The following DLGAP2 variants were observed in gnomAD, a reference collection of about 807,000 sequenced individuals.
DLGAP2 encodes disks large-associated protein 2.
A neutral mutation model predicts 100.3 loss-of-function variants in DLGAP2; 26 were observed. The observed-to-expected ratio is 0.26, with a 90% confidence interval of 0.19 to 0.36. The LOEUF (loss-of-function observed/expected upper bound fraction) is 0.36, where lower values mean the gene tolerates loss of function less well. Ranked by LOEUF, DLGAP2 falls within the 10% of genes least tolerant of loss-of-function variation. DLGAP2 has a pLI of 1.00. For missense variants in DLGAP2, 1,858 were observed against 1,453.2 expected (o/e 1.28, Z -4.53); for synonymous variants, 886 against 630.1 (o/e 1.41, Z -6.08).
At chr8:759,576 C>T (rs898123244) in intron 1 of DLGAP2, among the ~76,000 whole-genome samples, 13 of 152,076 alleles carry the variant, frequency 8.5e-5, no homozygotes, top group African/African-American at 2.9e-4. Context: ...CCAGAGTCCA[C>T]GGTTGATGTG....
chr8:1,190,586 C>T (rs529432985), intron 2 of DLGAP2, among the ~76,000 whole-genome samples: 7 of 152,278 alleles, frequency 4.6e-5, no homozygotes, highest in South Asian at 2.1e-4. Flanking sequence ...AGCCGCCTGT[C>T]GCAATCAGCA....
intron 9 of DLGAP2, 45 bp downstream of exon 9, chr8:1,668,723 C>G (rs763660049): frequency 9.0e-5 from 131 of 1,459,130 alleles, no homozygotes; most frequent in Non-Finnish European, 1.2e-4. Flanking sequence ...CCACTCAGTC[C>G]TGCCAATAGC....
intron 1 of DLGAP2, among the ~76,000 whole-genome samples, chr8:826,468 G>C (rs1796686917): frequency 6.6e-6 from 1 of 152,192 alleles, no homozygotes; most frequent in Non-Finnish European, 1.5e-5. Flanking sequence ...GAAGGTCAAA[G>C]CTGAGGTCAG....
In DLGAP2 at chr8:896,488, C is replaced by T. The variant is rs138029218; in HGVS notation, c.19-11424C>T. ...TAATTTTGGGGTACCCATCCGACAT[C>T]TAAATGGTGCCATGGACTGAACATG... On this transcript the variant is annotated intron_variant, in intron 1 of 14. Transcript: ENST00000637795. Among the ~76,000 whole-genome samples the T allele has an allele frequency of 3.8e-4, 58 of 152,232 alleles. No homozygotes were observed. In the East Asian group the frequency reaches 0.01, roughly 27 times the overall value.
At chr8:1,085,505 T>C (rs1803946631) in intron 2 of DLGAP2, among the ~76,000 whole-genome samples, 1 of 152,222 alleles carries the variant, frequency 6.6e-6, no homozygotes, top group African/African-American at 2.4e-5. Flanking sequence ...GATGTGTAAA[T>C]CTTTGATTAT....
chr8:1,038,161 A>G (rs1020742617), intron 2 of DLGAP2, among the ~76,000 whole-genome samples: 6 of 152,250 alleles, frequency 3.9e-5, no homozygotes, highest in African/African-American at 1.4e-4. Context: ...TGTGTTTCTC[A>G]GGAAGACAAA....
chr8:1,095,548 G>GT (rs1804340566), intron 2 of DLGAP2, among the ~76,000 whole-genome samples: 1 of 152,156 alleles, frequency 6.6e-6, no homozygotes, highest in Non-Finnish European at 1.5e-5. Flanking sequence ...TTAGTAATGG[G>GT]TTAGCAGTGT....
chr8:1,320,949 G>C, intron 3 of DLGAP2, among the ~76,000 whole-genome samples: 1 of 152,318 alleles, frequency 6.6e-6, no homozygotes, highest in Non-Finnish European at 1.5e-5. Flanking sequence ...ATGTATCTGT[G>C]TGTGTGCATG....
intron 2 of DLGAP2, among the ~76,000 whole-genome samples, chr8:1,084,231 T>A (rs1443869465): frequency 6.6e-6 from 1 of 152,370 alleles, no homozygotes; most frequent in East Asian, 1.9e-4. Context: ...TTGTGTTTTT[T>A]AAAATGTATT....
At chr8:1,440,249 G>C (rs1168505181) in intron 3 of DLGAP2, among the ~76,000 whole-genome samples, 1 of 152,174 alleles carries the variant, frequency 6.6e-6, no homozygotes, top group Non-Finnish European at 1.5e-5. Flanking sequence ...TATCTATTTT[G>C]AGTTCAAGTT....
intron 2 of DLGAP2, among the ~76,000 whole-genome samples, chr8:1,025,622 C>T (rs1456095753): frequency 1.3e-5 from 2 of 152,150 alleles, no homozygotes; most frequent in East Asian, 1.9e-4. Flanking sequence ...CCTGGAGAAC[C>T]TTCCACATTT....
intron 2 of DLGAP2, among the ~76,000 whole-genome samples, chr8:1,103,353 A>T: frequency 7.1e-6 from 1 of 140,534 alleles, no homozygotes; most frequent in Non-Finnish European, 1.6e-5. Flanking sequence ...GGCCTTGGTT[A>T]ACGGTGATGA....
At chr8:1,158,338 G>A (rs1419375506) in intron 2 of DLGAP2, among the ~76,000 whole-genome samples, 1 of 152,222 alleles carries the variant, frequency 6.6e-6, no homozygotes, top group Non-Finnish European at 1.5e-5. Context: ...TGTTATATGT[G>A]CATGTATGTA....
Position 912,326 on chromosome 8 carries a change from T to C in DLGAP2, c.73+4360T>C, listed in dbSNP as rs980978427. 1.1e-4 allele frequency among the ~76,000 whole-genome samples: 17 copies of C among 152,282 alleles called. 1 individual carries two copies. Among genetic ancestry groups the C allele is most frequent in the Admixed American group, 8.5e-4 (13 of 15,286 alleles). The stretch of plus-strand genomic sequence containing the variant: ...TATGTATAAAAGTTGGGTGGAAAGG[T>C]TTCACGTGACTTCCCTGTGTTTGTG... On this transcript the variant is annotated intron_variant, in intron 2 of 14. Coordinates refer to ENST00000637795, the MANE Select transcript of DLGAP2 (RefSeq NM_001346810.2).
At chr8:912,045 C>T (rs987445878) in intron 2 of DLGAP2, among the ~76,000 whole-genome samples, 12 of 152,214 alleles carry the variant, frequency 7.9e-5, no homozygotes, top group Non-Finnish European at 1.5e-4. Flanking sequence ...GTTCTGACTT[C>T]GGGCTTAGCT....
chr8:877,159 C>T (rs11986158), intron 1 of DLGAP2, among the ~76,000 whole-genome samples: 152,273 of 152,326 alleles, frequency 1, 76,110 homozygotes, highest in Middle Eastern at 1. Flanking sequence ...TTGCCTGCCT[C>T]TTATTGTTTT....
intron 2 of DLGAP2, among the ~76,000 whole-genome samples, chr8:1,143,258 A>G (rs1369749990): frequency 6.6e-6 from 1 of 152,206 alleles, no homozygotes; most frequent in Non-Finnish European, 1.5e-5. Context: ...AAGTTCCACA[A>G]ACTGACGTGA....
intron 5 of DLGAP2, among the ~76,000 whole-genome samples, chr8:1,550,034 C>G (rs757182927): frequency 6.6e-6 from 1 of 152,178 alleles, no homozygotes; most frequent in Non-Finnish European, 1.5e-5. Flanking sequence ...TTCCCCATCC[C>G]CAGTCCCTCT....
Position 1,241,964 on chromosome 8 carries a change from A to G in DLGAP2, c.74-16887A>G, listed in dbSNP as rs115254132. 7.7e-3 allele frequency among the ~76,000 whole-genome samples: 1,174 copies of G among 152,330 alleles called. 14 individuals are homozygous for G. Among genetic ancestry groups the G allele is most frequent in the African/African-American group, 0.027 (1,125 of 41,566 alleles). Reference sequence around the variant, plus strand: ...AATGATGATCACTGCCTCTACTGAAACATTCCTTTATGGCCCGAGATGGTC... The same window carrying G: ...AATGATGATCACTGCCTCTACTGAAGCATTCCTTTATGGCCCGAGATGGTC... On this transcript the variant is annotated intron_variant, in intron 2 of 14. Transcript: ENST00000637795.
Sources: gnomAD v4.1 joint callset for allele counts (sites outside exome capture counted in the v4.1 genomes callset) on GRCh38, gnomAD v4.1.1 for gene constraint, MANE v1.5 for transcripts, NCBI Gene and HGNC (gene_info 2026-07-23, HGNC 2026-07-21) for gene names.